Variants in PDCD6 observed in about 807,000 individuals in gnomAD.
The protein encoded by PDCD6 is programmed cell death 6, also known as programmed cell death protein 6.
Under a neutral mutation model 28.3 loss-of-function variants are expected in PDCD6, and 12 were observed. That is an observed-to-expected ratio of 0.42 (90% CI 0.27 to 0.69). The LOEUF (loss-of-function observed/expected upper bound fraction) is 0.69. Ranked by LOEUF, PDCD6 falls within the 30% of genes least tolerant of loss-of-function variation. The pLI, the probability that PDCD6 is intolerant of heterozygous loss-of-function variation, is 0.22. For synonymous variants in PDCD6, 92 were observed against 108.0 expected (o/e 0.85, Z 0.92); for missense variants, 226 against 269.9 (o/e 0.84, Z 1.14).
chr5:286,123 C>G (rs1430483061), intron 2 of PDCD6, among the ~76,000 whole-genome samples: 1 of 143,950 alleles, frequency 6.9e-6, no homozygotes, highest in Non-Finnish European at 1.5e-5. Context: ...CCTTTGAGTG[C>G]TGTGCAGCTG....
intron 3 of PDCD6, chr5:304,661 T>G (rs1360645955): frequency 6.1e-6 from 1 of 163,528 alleles, no homozygotes; most frequent in South Asian, 1.7e-4. Flanking sequence ...ATGGAGCTCC[T>G]TGACTGTGTT....
chr5:295,086 C>T (rs368860776), intron 2 of PDCD6, among the ~76,000 whole-genome samples: 9 of 152,080 alleles, frequency 5.9e-5, no homozygotes, highest in Non-Finnish European at 8.8e-5. Context: ...TGGGCTGCTG[C>T]GGCTGAGGGG....
intron 2 of PDCD6, among the ~76,000 whole-genome samples, chr5:281,313 C>G (rs1401464756): frequency 6.6e-6 from 1 of 152,214 alleles, no homozygotes; most frequent in African/African-American, 2.4e-5. Context: ...TGGAGAGGAG[C>G]TGGTGCTATC....
chr5:288,907 C>T (rs1739152941), intron 2 of PDCD6: 2 of 1,579,544 alleles, frequency 1.3e-6, no homozygotes, highest in East Asian at 4.5e-5. Flanking sequence ...GAAAGAATCT[C>T]TCCAGTTTTA....
intron 2 of PDCD6, among the ~76,000 whole-genome samples, chr5:279,852 C>T (rs1268073075): frequency 2.0e-5 from 3 of 148,864 alleles, no homozygotes; most frequent in African/African-American, 7.4e-5. Context: ...GCAAAAACTG[C>T]GATGACTTGT....
chr5:306,994 T>C (rs1052166300), intron 4 of PDCD6, among the ~76,000 whole-genome samples: 1 of 152,232 alleles, frequency 6.6e-6, no homozygotes, highest in Admixed American at 6.5e-5. Flanking sequence ...AAGCCGTTCA[T>C]CTTTTCTGAA....
At chr5:285,792 G>T (rs1290150475) in intron 2 of PDCD6, among the ~76,000 whole-genome samples, 1 of 151,876 alleles carries the variant, frequency 6.6e-6, no homozygotes, top group Non-Finnish European at 1.5e-5. Flanking sequence ...TGCAGATGGA[G>T]ACCCAGTGGG....
At chr5:288,682 C>G (rs531441473) in intron 2 of PDCD6, among the ~76,000 whole-genome samples, 1 of 151,614 alleles carries the variant, frequency 6.6e-6, no homozygotes, top group African/African-American at 2.4e-5. Flanking sequence ...CTTACGTGTA[C>G]AACTCTTCCA....
At position 271,750 on chromosome 5, in the gene PDCD6, T is replaced by TGGGGCCGGCCC; in HGVS notation, c.31_41dup (p.Ala18LeufsTer29). On this transcript the variant is annotated frameshift_variant, in exon 1 of 6. Transcript: ENST00000264933. ...CCGCCTACTCTTACCGCCCCGGCCC[T>TGGGGCCGGCCC]GGGGCCGGCCCTGGGCCTGCTGCAG... is the stretch of plus-strand genomic sequence containing the variant. The TGGGGCCGGCCC allele has an allele frequency of 8.5e-7, 1 of 1,180,126 alleles. No individual in the cohort carries two copies. The highest frequency in any genetic ancestry group is 1.1e-6 in the Non-Finnish European group (1 of 873,810). The allele number at this position is 1,180,126 out of a possible 1,614,324, so 73.1% of individuals were successfully genotyped here.
At chr5:297,559 G>C (rs1285640247) in intron 2 of PDCD6, among the ~76,000 whole-genome samples, 1 of 152,198 alleles carries the variant, frequency 6.6e-6, no homozygotes, top group Non-Finnish European at 1.5e-5. Flanking sequence ...GACTTGACCT[G>C]AGCAAACACC....
chr5:302,394 TCTGTGTGTATGCCTCAG>T lies in PDCD6; in HGVS notation c.164-1782_164-1766del, dbSNP rs1561046927. 9.7e-4 allele frequency among the ~76,000 whole-genome samples: 112 copies of T among 115,898 alleles called. 3 individuals carry two copies. Among genetic ancestry groups the T allele is most frequent in the African/African-American group, 4.9e-3 (109 of 22,282 alleles). 76.0% of individuals were successfully genotyped at this position (115,898 alleles called of 152,430 possible). On this transcript the variant is annotated intron_variant, in intron 2 of 5. Coordinates refer to ENST00000264933, the MANE Select transcript of PDCD6 (RefSeq NM_013232.4). Reference sequence around the variant, plus strand: ...TGGAGGGTGGGTCGTGGAGTGCTGCTCTGTGTGTATGCCTCAGGTTCAGGTGCACCTGCCTTTGTGGG... The same window carrying T: ...TGGAGGGTGGGTCGTGGAGTGCTGCTGTTCAGGTGCACCTGCCTTTGTGGG...
At chr5:301,300 G>C (rs1166515244) in intron 2 of PDCD6, among the ~76,000 whole-genome samples, 1 of 152,208 alleles carries the variant, frequency 6.6e-6, no homozygotes, top group Non-Finnish European at 1.5e-5. Context: ...TCACCCTTGT[G>C]TGCAGACACT....
rs111715060 is a variant in PDCD6 at position 302,491 on chromosome 5, C to CTGTG, written c.164-1666_164-1663dup. ...GAGGGCGGGTCATGGAGTGCTGCTG[C>CTGTG]TGTGTGTGTGTGTGTGTGTGTGTAT... On this transcript the variant is annotated intron_variant, in intron 2 of 5. Transcript: ENST00000264933. Among the ~76,000 whole-genome samples, 497 of 53,328 alleles carry CTGTG rather than the reference C, an allele frequency of 9.3e-3. 43 individuals carry two copies. Among genetic ancestry groups the CTGTG allele is most frequent in the African/African-American group, 0.062 (448 of 7,222 alleles). The allele number at this position is 53,328 out of a possible 152,430, so 35.0% of individuals were successfully genotyped here. A position where few individuals can be genotyped will look rare whatever the true frequency, so the allele number is the denominator to read the frequency against.
At chr5:282,264 G>A (rs1278577655) in intron 2 of PDCD6, among the ~76,000 whole-genome samples, 5 of 95,362 alleles carry the variant, frequency 5.2e-5, no homozygotes. Context: ...GTGGTGCAGC[G>A]GAAAAATCGG....
Position 281,017 on chromosome 5 carries a change from C to G in PDCD6, c.163+8245C>G, listed in dbSNP as rs1282483845. 2.0e-5 allele frequency among the ~76,000 whole-genome samples: 3 copies of G among 152,268 alleles called. No homozygotes were observed. The South Asian group carries it at 6.2e-4, about 31-fold the overall frequency. ...ATTCATAGTTCGAATTTTCATAAGA[C>G]TTCTGCACAGGCAGAGAGAAATAAG... On this transcript the variant is annotated intron_variant, in intron 2 of 5. Transcript: ENST00000264933.
chr5:282,063 A>G (rs542773613), intron 2 of PDCD6, among the ~76,000 whole-genome samples: 2 of 148,772 alleles, frequency 1.3e-5, no homozygotes, highest in East Asian at 4.0e-4. Context: ...TTGTAGTTTG[A>G]GGGTCTTGCA....
intron 2 of PDCD6, among the ~76,000 whole-genome samples, chr5:274,871 G>C (rs1738087511): frequency 6.6e-6 from 1 of 152,154 alleles, no homozygotes; most frequent in Non-Finnish European, 1.5e-5. Context: ...ACATAATCTT[G>C]ATTTCAGCTG....
intron 2 of PDCD6, among the ~76,000 whole-genome samples, chr5:298,510 G>T (rs1362657299): frequency 6.6e-6 from 1 of 151,798 alleles, no homozygotes; most frequent in Non-Finnish European, 1.5e-5. Flanking sequence ...GCTCTGTGGG[G>T]CTCCGGCAGG....
At chr5:299,808 C>G (rs1022490566) in intron 2 of PDCD6, among the ~76,000 whole-genome samples, 3 of 152,150 alleles carry the variant, frequency 2.0e-5, no homozygotes, top group Admixed American at 2.0e-4. Flanking sequence ...CTTGGCCTCC[C>G]AAAGTGCTGG....
Sources: allele counts gnomAD v4.1 joint callset (sites outside exome capture counted in the v4.1 genomes callset), GRCh38; gene constraint gnomAD v4.1.1; transcripts MANE v1.5; gene names NCBI Gene and HGNC (gene_info 2026-07-23, HGNC 2026-07-21).